The following LSAMP variants were observed in gnomAD, a reference collection of about 807,000 sequenced individuals.
LSAMP encodes limbic system-associated membrane protein.
LSAMP carries 7 observed loss-of-function variants against 38.6 expected under a neutral mutation model. The observed-to-expected ratio is 0.18, with a 90% CI of 0.10 to 0.34. The LOEUF (loss-of-function observed/expected upper bound fraction) is 0.34. Ranked by LOEUF, LSAMP falls within the 10% of genes least tolerant of loss-of-function variation. The pLI is 1.00. For synonymous variants in LSAMP, 154 were observed against 166.8 expected (o/e 0.92, Z 0.59); for missense variants, 313 against 420.0 (o/e 0.75, Z 2.23).
At chr3:116,163,342 T>A (rs1366116597) in intron 1 of LSAMP, among the ~76,000 whole-genome samples, 1 of 151,386 alleles carries the variant, frequency 6.6e-6, no homozygotes, top group African/African-American at 2.4e-5. Context: ...TTTTTGTTCT[T>A]GTGATAGTTT....
chr3:115,819,744 G>C (rs1306632294), intron 6 of LSAMP, among the ~76,000 whole-genome samples: 1 of 152,178 alleles, frequency 6.6e-6, no homozygotes, highest in African/African-American at 2.4e-5. Flanking sequence ...TAAATGTTAA[G>C]TACTCCTCCC....
intron 3 of LSAMP, among the ~76,000 whole-genome samples, chr3:115,861,166 CT>C (rs1183463972): frequency 5.9e-5 from 7 of 119,280 alleles, no homozygotes; most frequent in Admixed American, 2.1e-4. Flanking sequence ...TCCTTCCTTC[CT>C]TCCTTCCTTC....
intron 3 of LSAMP, among the ~76,000 whole-genome samples, chr3:115,856,381 G>A (rs1264381227): frequency 2.0e-5 from 3 of 152,102 alleles, no homozygotes. Context: ...ACTTTGGGAG[G>A]CCGAGGTGGG....
intron 1 of LSAMP, among the ~76,000 whole-genome samples, chr3:116,221,871 G>GTGTGTT (rs1260270437): frequency 1.3e-5 from 2 of 151,902 alleles, no homozygotes; most frequent in Non-Finnish European, 2.9e-5. Flanking sequence ...GTGTGTGTGT[G>GTGTGTT]TGTGTGTAGG....
chr3:115,867,440 C>A (rs1478742368), intron 3 of LSAMP, among the ~76,000 whole-genome samples: 2 of 152,052 alleles, frequency 1.3e-5, no homozygotes, highest in African/African-American at 2.4e-5. Flanking sequence ...CCCACAAATC[C>A]TCCCCTTTTG....
At chr3:115,847,489 T>G (rs937539281) in intron 4 of LSAMP, among the ~76,000 whole-genome samples, 3 of 152,160 alleles carry the variant, frequency 2.0e-5, no homozygotes, top group African/African-American at 7.2e-5. Context: ...TCCAATTTGG[T>G]TGGTGATATG....
intron 3 of LSAMP, among the ~76,000 whole-genome samples, chr3:115,882,560 A>C (rs1258039230): frequency 6.6e-6 from 1 of 152,116 alleles, no homozygotes; most frequent in Non-Finnish European, 1.5e-5. Flanking sequence ...TGCATAATAG[A>C]GTTCCCATAG....
rs117431122 is a variant in LSAMP, at chr3:116,027,825, T to C, written c.389-8185A>G. Among the ~76,000 whole-genome samples the C allele has an allele frequency of 2.2e-3, 340 of 152,314 alleles. 14 individuals carry two copies. The East Asian group carries it at 0.058, about 26-fold the overall frequency. ...CAGAGTAGGAGAGAAAAGTGGTCAG[T>C]TGGCTCATTTCCCTAACCTCAAATA... On this transcript the variant is annotated intron_variant, in intron 2 of 6. Coordinates refer to ENST00000490035, the MANE Select transcript of LSAMP (RefSeq NM_002338.5).
chr3:116,400,828 C>T (rs1333825168), intron 1 of LSAMP, among the ~76,000 whole-genome samples: 2 of 152,042 alleles, frequency 1.3e-5, no homozygotes, highest in African/African-American at 2.4e-5. Context: ...CATTTTTTTC[C>T]ACATTCTACC....
intron 2 of LSAMP, among the ~76,000 whole-genome samples, chr3:116,045,173 T>C (rs1941263836): frequency 1.3e-5 from 2 of 152,172 alleles, no homozygotes; most frequent in Admixed American, 6.5e-5. Context: ...TCGTCTAACC[T>C]AAGCAAGATG....
intron 1 of LSAMP, among the ~76,000 whole-genome samples, chr3:116,351,676 G>T (rs1005477114): frequency 6.6e-6 from 1 of 152,044 alleles, no homozygotes; most frequent in Admixed American, 6.6e-5. Flanking sequence ...ATGAATAGAA[G>T]CATAGCCCTA....
At chr3:116,148,678 C>T (rs1261544539) in intron 1 of LSAMP, among the ~76,000 whole-genome samples, 1 of 151,942 alleles carries the variant, frequency 6.6e-6, no homozygotes, top group East Asian at 1.9e-4. Flanking sequence ...CATCCAACAT[C>T]TTTGTTCCAT....
intron 6 of LSAMP, among the ~76,000 whole-genome samples, chr3:115,841,269 T>C (rs1238899107): frequency 6.6e-6 from 1 of 152,238 alleles, no homozygotes; most frequent in Non-Finnish European, 1.5e-5. Context: ...AGAAAAGTAA[T>C]GTCTCTTACT....
intron 3 of LSAMP, among the ~76,000 whole-genome samples, chr3:115,860,032 C>G (rs540670372): frequency 2.2e-4 from 33 of 152,340 alleles, no homozygotes; most frequent in African/African-American, 7.9e-4. Context: ...GGCTTTACCA[C>G]TGTAAAAACC....
Position 116,172,496 on chromosome 3 carries a change from T to C in LSAMP, c.156-85940A>G, listed in dbSNP as rs980529598. ...ACTGGGGCTTCCCCAACAACTAATATTTTTTGCTTTAGCTTGTGATAGAGC... is the reference window on the plus strand; with the variant it reads ...ACTGGGGCTTCCCCAACAACTAATACTTTTTGCTTTAGCTTGTGATAGAGC... On this transcript the variant is annotated intron_variant, in intron 1 of 6. Coordinates refer to ENST00000490035, the MANE Select transcript of LSAMP (RefSeq NM_002338.5). 3.3e-5 allele frequency among the ~76,000 whole-genome samples: 5 copies of C among 152,010 alleles called. No homozygotes were observed. In the East Asian group the frequency reaches 9.6e-4, roughly 29 times the overall value.
intron 6 of LSAMP, chr3:115,814,082 G>A (rs1933928925): frequency 1.3e-5 from 2 of 152,110 alleles, no homozygotes; most frequent in African/African-American, 4.8e-5. Context: ...TGTGGTATCT[G>A]GTAAACATTC....
intron 3 of LSAMP, among the ~76,000 whole-genome samples, chr3:115,967,074 G>T (rs1299939153): frequency 1.3e-5 from 2 of 152,070 alleles, no homozygotes; most frequent in African/African-American, 4.8e-5. Flanking sequence ...TCAGAAAATG[G>T]GTTTTTCTTT....
chr3:116,006,566 A>G (rs1257187098), intron 3 of LSAMP, among the ~76,000 whole-genome samples: 1 of 152,196 alleles, frequency 6.6e-6, no homozygotes, highest in South Asian at 2.1e-4. Flanking sequence ...ACAACTAATT[A>G]TGAGAAAATA....
Position 116,195,579 on chromosome 3 carries a change from C to T in LSAMP, c.156-109023G>A, listed in dbSNP as rs531773693. 2.6e-5 allele frequency among the ~76,000 whole-genome samples: 4 copies of T among 151,844 alleles called. No homozygotes were observed. In the South Asian group the frequency reaches 8.3e-4, roughly 32 times the overall value. On this transcript the variant is annotated intron_variant, in intron 1 of 6. Coordinates refer to ENST00000490035, the MANE Select transcript of LSAMP (RefSeq NM_002338.5). The stretch of plus-strand genomic sequence containing the variant: ...CAACTAATATTGTCTAAACTATGAA[C>T]AAGAAGCAAAATAAATTGACAGAAG...
Sources: allele counts gnomAD v4.1 joint callset (sites outside exome capture counted in the v4.1 genomes callset), GRCh38; gene constraint gnomAD v4.1.1; transcripts MANE v1.5; gene names NCBI Gene and HGNC (gene_info 2026-07-23, HGNC 2026-07-21).